The following ULK4 variants were observed in gnomAD, a reference collection of about 807,000 sequenced individuals.
The protein encoded by ULK4 is inactive serine/threonine-protein kinase ULK4.
ULK4 carries 133 observed loss-of-function variants against 160.6 expected under a neutral mutation model. That is an observed-to-expected ratio of 0.83 (90% CI 0.72 to 0.96). The LOEUF (loss-of-function observed/expected upper bound fraction) is 0.96. Ranked by LOEUF, ULK4 falls within the 40% of genes least tolerant of loss-of-function variation. The pLI is 0.00. For missense variants in ULK4, 1,580 were observed against 1,499.5 expected (o/e 1.05, Z -0.89); for synonymous variants, 534 against 539.8 (o/e 0.99, Z 0.15).
chr3:41,654,615 C>T (rs1483782034), intron 30 of ULK4, among the ~76,000 whole-genome samples: 2 of 152,094 alleles, frequency 1.3e-5, no homozygotes, highest in East Asian at 1.9e-4. Context: ...AAAAAGCTTT[C>T]GATTCAAGAG....
At chr3:41,902,539 T>A (rs547269794) in intron 12 of ULK4, among the ~76,000 whole-genome samples, 60 of 130,788 alleles carry the variant, frequency 4.6e-4, no homozygotes, top group Non-Finnish European at 8.3e-4. Flanking sequence ...GATTGCGCCA[T>A]CGCACACCAG....
At chr3:41,495,799 A>T (rs1320616227) in intron 32 of ULK4, among the ~76,000 whole-genome samples, 1 of 151,862 alleles carries the variant, frequency 6.6e-6, no homozygotes, top group Non-Finnish European at 1.5e-5. Context: ...AAAAGAAGAC[A>T]TTTACGCAGC....
At chr3:41,466,489 A>G (rs2083838478) in intron 32 of ULK4, among the ~76,000 whole-genome samples, 1 of 152,154 alleles carries the variant, frequency 6.6e-6, no homozygotes, top group Admixed American at 6.5e-5. Flanking sequence ...CTTGACCATT[A>G]CCTCACACAA....
intron 2 of ULK4, among the ~76,000 whole-genome samples, chr3:41,949,094 G>T (rs1205967560): frequency 6.6e-6 from 1 of 151,916 alleles, no homozygotes; most frequent in Non-Finnish European, 1.5e-5. Context: ...ATCACCTGAG[G>T]TCAGGAGTTC....
intron 21 of ULK4, among the ~76,000 whole-genome samples, chr3:41,786,484 C>T (rs1327528768): frequency 1.3e-5 from 2 of 151,846 alleles, no homozygotes; most frequent in Non-Finnish European, 2.9e-5. Flanking sequence ...CGCCAGTAGT[C>T]CCAGCTACTC....
intron 31 of ULK4, among the ~76,000 whole-genome samples, chr3:41,603,211 AATT>A (rs545955339): frequency 8.5e-5 from 13 of 152,222 alleles, no homozygotes; most frequent in Admixed American, 5.2e-4. Context: ...AGAGGGAGGA[AATT>A]AACAGGAACA....
intron 17 of ULK4, among the ~76,000 whole-genome samples, chr3:41,881,054 T>C (rs1697498239): frequency 6.6e-6 from 1 of 152,142 alleles, no homozygotes; most frequent in Non-Finnish European, 1.5e-5. Context: ...TTGTTACTGA[T>C]TATTGAAAAA....
intron 34 of ULK4, among the ~76,000 whole-genome samples, chr3:41,446,859 A>G (rs1047008746): frequency 9.2e-5 from 14 of 152,056 alleles, no homozygotes; most frequent in African/African-American, 3.4e-4. Flanking sequence ...CACATGTACC[A>G]TAAAACTTAA....
At chr3:41,748,065 A>T (rs1375437779) in intron 22 of ULK4, among the ~76,000 whole-genome samples, 1 of 152,008 alleles carries the variant, frequency 6.6e-6, no homozygotes, top group East Asian at 1.9e-4. Context: ...TTATAATTGT[A>T]CATTTTATTT....
At chr3:41,434,105 G>C (rs1406189910) in intron 34 of ULK4, among the ~76,000 whole-genome samples, 3 of 152,164 alleles carry the variant, frequency 2.0e-5, no homozygotes, top group East Asian at 3.9e-4. Context: ...TCAAAACACA[G>C]ACACACAATA....
chr3:41,326,572 A>G (rs1380598896), intron 35 of ULK4, among the ~76,000 whole-genome samples: 2 of 152,150 alleles, frequency 1.3e-5, no homozygotes, highest in Non-Finnish European at 2.9e-5. Flanking sequence ...AGGGAAAAGA[A>G]GCTGACAGTC....
At chr3:41,627,667 T>C (rs891754564) in intron 30 of ULK4, among the ~76,000 whole-genome samples, 3 of 152,170 alleles carry the variant, frequency 2.0e-5, no homozygotes, top group Admixed American at 6.5e-5. Context: ...TCTTATAAAC[T>C]CAAAGTCCAT....
intron 34 of ULK4, among the ~76,000 whole-genome samples, chr3:41,428,658 A>C (rs1353700218): frequency 6.6e-6 from 1 of 152,198 alleles, no homozygotes; most frequent in African/African-American, 2.4e-5. Flanking sequence ...TGACAAAAAC[A>C]AGCAATGGGG....
chr3:41,574,869 T>C (rs1353856531), intron 31 of ULK4, among the ~76,000 whole-genome samples: 1 of 152,112 alleles, frequency 6.6e-6, no homozygotes, highest in Non-Finnish European at 1.5e-5. Flanking sequence ...TCTAAAGTGG[T>C]AGAGACTCTG....
At chr3:41,545,537 T>C (rs964488686) in intron 32 of ULK4, among the ~76,000 whole-genome samples, 4 of 152,188 alleles carry the variant, frequency 2.6e-5, no homozygotes, top group Non-Finnish European at 5.9e-5. Context: ...ATATATAATT[T>C]TTCTGTGAAT....
At chr3:41,825,504 A>G (rs2041314640) in intron 18 of ULK4, among the ~76,000 whole-genome samples, 1 of 152,256 alleles carries the variant, frequency 6.6e-6, no homozygotes. Flanking sequence ...CACAAGAACT[A>G]CGTGACAAAG....
chr3:41,636,904 C>T (rs1035471567), intron 30 of ULK4, among the ~76,000 whole-genome samples: 4 of 151,748 alleles, frequency 2.6e-5, no homozygotes, highest in African/African-American at 9.7e-5. Context: ...TAATATATAC[C>T]GACAGTGTGC....
intron 35 of ULK4, among the ~76,000 whole-genome samples, chr3:41,373,492 C>A (rs947063423): frequency 1.3e-5 from 2 of 152,184 alleles, no homozygotes; most frequent in Non-Finnish European, 2.9e-5. Flanking sequence ...TCACTCAAAA[C>A]GGCACAACTA....
chr3:41,715,342 C>T (rs531166008), intron 24 of ULK4, 49 bp from the exon 25 acceptor site: 415 of 1,610,302 alleles, frequency 2.6e-4, no homozygotes, highest in Non-Finnish European at 3.4e-4. Context: ...CTATGTACAA[C>T]GTTAGCTCAA....
Sources: gnomAD v4.1 joint callset for allele counts (sites outside exome capture counted in the v4.1 genomes callset) on GRCh38, gnomAD v4.1.1 for gene constraint, MANE v1.5 for transcripts, NCBI Gene and HGNC (gene_info 2026-07-23, HGNC 2026-07-21) for gene names.